Variants in ALCAM observed in about 807,000 individuals in gnomAD.
ALCAM encodes CD166 antigen.
A neutral mutation model predicts 70.9 loss-of-function variants in ALCAM; 30 were observed. The ratio of observed to expected loss-of-function variants is 0.42; its 90% CI spans 0.32 to 0.57. ALCAM has a LOEUF of 0.57. Ranked by LOEUF, ALCAM falls within the 20% of genes least tolerant of loss-of-function variation. The pLI, the probability that ALCAM is intolerant of heterozygous loss-of-function variation, is 0.11. For synonymous variants in ALCAM, 249 were observed against 242.5 expected (o/e 1.03, Z -0.25); for missense variants, 591 against 695.1 (o/e 0.85, Z 1.68).
chr3:105,563,614 T>C (rs180936084), intron 14 of ALCAM, among the ~76,000 whole-genome samples: 195 of 149,376 alleles, frequency 1.3e-3, no homozygotes, highest in Middle Eastern at 3.4e-3. Context: ...TGTTTCCCTG[T>C]GGTTTCTTCC....
chr3:105,368,116 A>T (rs1935118173), intron 1 of ALCAM, among the ~76,000 whole-genome samples: 1 of 151,836 alleles, frequency 6.6e-6, no homozygotes, highest in Non-Finnish European at 1.5e-5. Context: ...TAACACAGCC[A>T]GAACAGGAAT....
Position 105,520,058 on chromosome 3 carries a change from C to CA in ALCAM, c.74-9_74-8insA. On this transcript the variant is annotated splice_polypyrimidine_tract_variant and intron_variant, in intron 1 of 15. Transcript: ENST00000306107. ...TTCTCTCTTCTTCCTTTTTTTTTTT[C>CA]CCCCAAAGGCCTTGGATGGTATACT... The CA allele has an allele frequency of 2.0e-6, 3 of 1,474,008 alleles. No individual in the cohort carries two copies. Among genetic ancestry groups the CA allele is most frequent in the Non-Finnish European group, 1.8e-6 (2 of 1,090,828 alleles). The allele number at this position is 1,474,008 out of a possible 1,614,324, so 91.3% of individuals were successfully genotyped here.
At chr3:105,417,932 A>T (rs749436528) in intron 1 of ALCAM, among the ~76,000 whole-genome samples, 6 of 149,770 alleles carry the variant, frequency 4.0e-5, no homozygotes, top group Non-Finnish European at 6.0e-5. Context: ...TTTTTTTCAA[A>T]AATGAATATT....
chr3:105,533,460 T>G (rs867478283), intron 4 of ALCAM, 143 bp from the exon 5 acceptor site: 10 of 492,944 alleles, frequency 2.0e-5, no homozygotes, highest in Non-Finnish European at 3.0e-5. Context: ...CCAGAGAGCA[T>G]GTATTCAGTC....
At chr3:105,520,982 G>T (rs1939520723) in intron 2 of ALCAM, among the ~76,000 whole-genome samples, 1 of 152,214 alleles carries the variant, frequency 6.6e-6, no homozygotes, top group Non-Finnish European at 1.5e-5. Flanking sequence ...CAAAGGAAAA[G>T]AATTTGATGG....
chr3:105,475,143 G>T (rs1305684543), intron 1 of ALCAM, among the ~76,000 whole-genome samples: 1 of 151,872 alleles, frequency 6.6e-6, no homozygotes, highest in Non-Finnish European at 1.5e-5. Context: ...TCTCCTTGAA[G>T]ATATTTGCTT....
chr3:105,403,116 T>C (rs1936132815), intron 1 of ALCAM, among the ~76,000 whole-genome samples: 1 of 151,980 alleles, frequency 6.6e-6, no homozygotes, highest in Non-Finnish European at 1.5e-5. Flanking sequence ...CCAGCCAATT[T>C]TTGTATTTTC....
chr3:105,384,786 T>C (rs1935608957), intron 1 of ALCAM, among the ~76,000 whole-genome samples: 1 of 151,612 alleles, frequency 6.6e-6, no homozygotes, highest in Admixed American at 6.6e-5. Context: ...TGACTCTTTT[T>C]TAATTTTTTA....
intron 14 of ALCAM, among the ~76,000 whole-genome samples, chr3:105,567,024 A>G (rs1314229502): frequency 6.6e-6 from 1 of 152,098 alleles, no homozygotes; most frequent in Non-Finnish European, 1.5e-5. Flanking sequence ...CTTTTCACTG[A>G]TATAAAATTT....
intron 14 of ALCAM, among the ~76,000 whole-genome samples, chr3:105,555,799 T>A (rs1452847153): frequency 2.0e-5 from 3 of 152,096 alleles, no homozygotes; most frequent in Non-Finnish European, 4.4e-5. Flanking sequence ...TGTGTTCTTT[T>A]CCCATTGTGA....
chr3:105,501,555 A>G (rs1408188325), intron 1 of ALCAM, among the ~76,000 whole-genome samples: 2 of 152,212 alleles, frequency 1.3e-5, no homozygotes, highest in African/African-American at 4.8e-5. Context: ...AAAAATAAAA[A>G]TCTATAAGGT....
chr3:105,489,002 T>A (rs1264075061), intron 1 of ALCAM, among the ~76,000 whole-genome samples: 2 of 152,180 alleles, frequency 1.3e-5, no homozygotes, highest in Admixed American at 1.3e-4. Flanking sequence ...GTTTAAAGCA[T>A]GAGAGTTTAT....
intron 1 of ALCAM, among the ~76,000 whole-genome samples, chr3:105,495,427 T>C (rs1009175751): frequency 2.1e-5 from 3 of 139,676 alleles, no homozygotes; most frequent in African/African-American, 2.8e-5. Context: ...ATTTGTTTTG[T>C]TCCACAAAGG....
rs933585328 is a variant in ALCAM, at chr3:105,575,255, A to G, written c.*804A>G. On this transcript the variant is annotated 3_prime_UTR_variant, in exon 16 of 16. Coordinates refer to ENST00000306107, the MANE Select transcript of ALCAM (RefSeq NM_001627.4). Reference sequence around the variant, plus strand: ...AAAAACACAAGCATGTGTGAGAGACAGTTTGGAAAAATCATGGTCAACATT... The same window carrying G: ...AAAAACACAAGCATGTGTGAGAGACGGTTTGGAAAAATCATGGTCAACATT... 13 of 152,644 alleles carry G rather than the reference A, an allele frequency of 8.5e-5. No individual in the cohort carries two copies. The highest frequency in any genetic ancestry group is 8.8e-5 in the Non-Finnish European group (6 of 68,032). 9.5% of individuals were successfully genotyped at this position (152,644 alleles called of 1,614,324 possible).
At chr3:105,552,211 C>T in intron 13 of ALCAM, 29 bp downstream of exon 13, 1 of 1,576,930 alleles carries the variant, frequency 6.3e-7, no homozygotes, top group Non-Finnish European at 8.6e-7. Flanking sequence ...ACTCTTCTTC[C>T]TTGACTATCA....
intron 1 of ALCAM, among the ~76,000 whole-genome samples, chr3:105,467,170 C>T (rs569383517): frequency 6.6e-6 from 1 of 151,200 alleles, no homozygotes; most frequent in South Asian, 2.1e-4. Context: ...TGAAAAGTGC[C>T]TAGAAACCTC....
chr3:105,524,679 A>G (rs1354489048), intron 3 of ALCAM, 171 bp downstream of exon 3: 1 of 1,330,816 alleles, frequency 7.5e-7, no homozygotes, highest in Non-Finnish European at 9.6e-7. Flanking sequence ...AAAGAAAACA[A>G]AGAGTATGAA....
At chr3:105,526,388 T>C (rs1939706842) in intron 3 of ALCAM, among the ~76,000 whole-genome samples, 2 of 152,098 alleles carry the variant, frequency 1.3e-5, no homozygotes, top group African/African-American at 4.8e-5. Context: ...AAAATTCAGC[T>C]GGCCTAATTC....
chr3:105,418,042 G>A (rs1018552747), intron 1 of ALCAM, among the ~76,000 whole-genome samples: 2 of 151,756 alleles, frequency 1.3e-5, no homozygotes, highest in African/African-American at 4.8e-5. Context: ...TGAGGGATGT[G>A]ATTATGTAGT....
Sources: gnomAD v4.1 joint callset for allele counts (sites outside exome capture counted in the v4.1 genomes callset) on GRCh38, gnomAD v4.1.1 for gene constraint, MANE v1.5 for transcripts, NCBI Gene and HGNC (gene_info 2026-07-23, HGNC 2026-07-21) for gene names.